FOXN3: variants seen among roughly 807,000 people sequenced by gnomAD.
The protein encoded by FOXN3 is forkhead box N3.
A neutral mutation model predicts 38.4 loss-of-function variants in FOXN3; 7 were observed. The observed-to-expected ratio is 0.18, with a 90% confidence interval of 0.10 to 0.34. FOXN3 has a LOEUF of 0.34. FOXN3 is among the 10% of genes least tolerant of loss of function. FOXN3 has a pLI of 1.00. For missense variants in FOXN3, 456 were observed against 613.4 expected (o/e 0.74, Z 2.71); for synonymous variants, 230 against 242.2 (o/e 0.95, Z 0.47).
intron 3 of FOXN3, among the ~76,000 whole-genome samples, chr14:89,307,369 C>T (rs1887408113): frequency 6.6e-6 from 1 of 152,162 alleles, no homozygotes; most frequent in South Asian, 2.1e-4. Flanking sequence ...TGTAAATCTA[C>T]ACCTTTTTTT....
intron 2 of FOXN3, among the ~76,000 whole-genome samples, chr14:89,373,107 A>G (rs1890370199): frequency 6.6e-6 from 1 of 152,192 alleles, no homozygotes; most frequent in Non-Finnish European, 1.5e-5. Context: ...TCGAGGCTAC[A>G]GTGAGCCATG....
intron 4 of FOXN3, among the ~76,000 whole-genome samples, chr14:89,277,650 C>T (rs575728747): frequency 6.6e-6 from 1 of 152,250 alleles, no homozygotes; most frequent in East Asian, 1.9e-4. Context: ...CCAGTTAATT[C>T]TTACAATTGG....
intron 1 of FOXN3, among the ~76,000 whole-genome samples, chr14:89,436,580 C>T (rs1346772859): frequency 6.6e-6 from 1 of 152,172 alleles, no homozygotes; most frequent in African/African-American, 2.4e-5. Context: ...AATGGGCAGC[C>T]GCAGCTTAGG....
chr14:89,306,198 A>G (rs1490495343), intron 3 of FOXN3, among the ~76,000 whole-genome samples: 1 of 152,166 alleles, frequency 6.6e-6, no homozygotes, highest in Non-Finnish European at 1.5e-5. Context: ...CCTTGCCATC[A>G]GCACTAAACT....
Position 89,186,554 on chromosome 14 carries a change from G to A in FOXN3, c.746-5748C>T, listed in dbSNP as rs535215721. ...GCCATTTTGAGGGTGGAGAGGGTGGGGTAGGCAGATGGATTTGACTGGAGC... is the reference window on the plus strand; with the variant it reads ...GCCATTTTGAGGGTGGAGAGGGTGGAGTAGGCAGATGGATTTGACTGGAGC... On this transcript the variant is annotated intron_variant, in intron 4 of 5. Coordinates refer to ENST00000557258, the MANE Select transcript of FOXN3 (RefSeq NM_005197.4). Among the ~76,000 whole-genome samples the A allele has an allele frequency of 5.3e-5, 8 of 152,202 alleles. No individual in the cohort carries two copies. In the South Asian group the frequency reaches 1.7e-3, roughly 32 times the overall value.
chr14:89,559,377 TAAA>T (rs1393478167), intron 1 of FOXN3, among the ~76,000 whole-genome samples: 1 of 151,992 alleles, frequency 6.6e-6, no homozygotes, highest in Admixed American at 6.6e-5. Context: ...ATTCCATCTC[TAAA>T]CAATGTAGCA....
chr14:89,405,167 C>G (rs1000200179), intron 2 of FOXN3, among the ~76,000 whole-genome samples: 6 of 152,088 alleles, frequency 3.9e-5, no homozygotes, highest in African/African-American at 1.5e-4. Flanking sequence ...GACAGAGTCT[C>G]ACTCTGTCGC....
At chr14:89,555,868 T>TGTGTGTGTGG (rs1895106940) in intron 1 of FOXN3, among the ~76,000 whole-genome samples, 1 of 120,336 alleles carries the variant, frequency 8.3e-6, no homozygotes, top group African/African-American at 2.9e-5. Flanking sequence ...TGTGTGTGTG[T>TGTGTGTGTGG]GTGTGTGTAT....
At chr14:89,348,192 T>C (rs1888825638) in intron 3 of FOXN3, among the ~76,000 whole-genome samples, 2 of 151,956 alleles carry the variant, frequency 1.3e-5, no homozygotes, top group Admixed American at 6.6e-5. Flanking sequence ...ACCAGCCCCA[T>C]GAAAGCCAAG....
chr14:89,420,165 G>A (rs1891865138), upstream of FOXN3, among the ~76,000 whole-genome samples: 1 of 152,248 alleles, frequency 6.6e-6, no homozygotes, highest in African/African-American at 2.4e-5. Context: ...GCTGCCAGCA[G>A]CAAGCCCTGA....
chr14:89,617,058 T>TCTTTTTA (rs1387669486), intron 1 of FOXN3, among the ~76,000 whole-genome samples: 2 of 152,180 alleles, frequency 1.3e-5, no homozygotes, highest in African/African-American at 4.8e-5. Context: ...GTGGTCATGG[T>TCTTTTTA]AGAGTATGTA....
At chr14:89,271,083 C>T (rs1177257958) in intron 4 of FOXN3, among the ~76,000 whole-genome samples, 1 of 152,138 alleles carries the variant, frequency 6.6e-6, no homozygotes, top group Non-Finnish European at 1.5e-5. Flanking sequence ...GTCACGTGCA[C>T]CGCAGCAGGT....
chr14:89,524,299 C>CG (rs1413170089), intron 1 of FOXN3, among the ~76,000 whole-genome samples: 7 of 131,812 alleles, frequency 5.3e-5, no homozygotes, highest in Non-Finnish European at 1.1e-4. Flanking sequence ...GTGTGAAACC[C>CG]GGGGGGCAGA....
intron 1 of FOXN3, among the ~76,000 whole-genome samples, chr14:89,612,098 G>A (rs1896404890): frequency 6.6e-6 from 1 of 152,134 alleles, no homozygotes; most frequent in Non-Finnish European, 1.5e-5. Context: ...ACTTGACAGT[G>A]AGAACTATTA....
chr14:89,357,562 C>T (rs542787359), intron 2 of FOXN3, among the ~76,000 whole-genome samples: 12 of 151,138 alleles, frequency 7.9e-5, no homozygotes, highest in African/African-American at 2.7e-4. Context: ...GAGCCGAGAT[C>T]GTGCCACTGC....
chr14:89,610,332 C>T (rs1156936963), intron 1 of FOXN3, among the ~76,000 whole-genome samples: 1 of 152,206 alleles, frequency 6.6e-6, no homozygotes, highest in Admixed American at 6.5e-5. Context: ...GTACTGGGAT[C>T]AACACGCCCT....
chr14:89,450,478 A>G (rs1222997204), intron 1 of FOXN3, among the ~76,000 whole-genome samples: 3 of 152,184 alleles, frequency 2.0e-5, no homozygotes, highest in Non-Finnish European at 2.9e-5. Flanking sequence ...GTTAAACACC[A>G]TGATGGACAC....
At chr14:89,599,953 C>T (rs2139937757) in intron 1 of FOXN3, among the ~76,000 whole-genome samples, 1 of 152,264 alleles carries the variant, frequency 6.6e-6, no homozygotes, top group Admixed American at 6.5e-5. Flanking sequence ...TGAAATTTTT[C>T]TCAAGAAGAT....
intron 1 of FOXN3, among the ~76,000 whole-genome samples, chr14:89,586,832 C>T (rs1895852694): frequency 6.6e-6 from 1 of 152,184 alleles, no homozygotes; most frequent in Non-Finnish European, 1.5e-5. Context: ...TGATTGTAAG[C>T]TTTTCCTATC....
Sources: allele counts gnomAD v4.1 joint callset (sites outside exome capture counted in the v4.1 genomes callset), GRCh38; gene constraint gnomAD v4.1.1; transcripts MANE v1.5; gene names NCBI Gene and HGNC (gene_info 2026-07-23, HGNC 2026-07-21).